Variants in AGAP1 observed in about 807,000 individuals in gnomAD.
AGAP1 encodes the protein ArfGAP with GTPase domain, ankyrin repeat and PH domain 1, also known as arf-GAP with GTPase, ANK repeat and PH domain-containing protein 1.
In AGAP1, 29 loss-of-function variants were observed where a neutral mutation model predicts 105.3. The ratio of observed to expected loss-of-function variants is 0.28; its 90% CI spans 0.21 to 0.38. The LOEUF (loss-of-function observed/expected upper bound fraction) is 0.38. Among genes scored for constraint, AGAP1 ranks in the 10% least tolerant of loss-of-function variants. The pLI is 1.00. For missense variants in AGAP1, 998 were observed against 1,165.1 expected (o/e 0.86, Z 2.09); for synonymous variants, 509 against 485.9 (o/e 1.05, Z -0.63).
At position 235,824,363 on chromosome 2, in the gene AGAP1, G is replaced by C. The variant is rs1456781980; in HGVS notation, c.1050+17032G>C. On this transcript the variant is annotated intron_variant, in intron 9 of 17. Coordinates refer to ENST00000304032, the MANE Select transcript of AGAP1 (RefSeq NM_001037131.3). The surrounding 1 kb of genome is among the most constrained non-coding windows in gnomAD (Gnocchi z 5.2). ...TTCTTTAAAATGTACTGTACTCACT[G>C]TGGGTCTTGCAAATTGGTAACTGGT... Among the ~76,000 whole-genome samples the C allele has an allele frequency of 6.6e-6, 1 of 152,234 alleles. No individual in the cohort carries two copies. Among genetic ancestry groups the C allele is most frequent in the Non-Finnish European group, 1.5e-5 (1 of 68,042 alleles).
chr2:235,681,078 G>C (rs976276863), intron 1 of AGAP1, among the ~76,000 whole-genome samples: 1 of 151,858 alleles, frequency 6.6e-6, no homozygotes, highest in African/African-American at 2.4e-5. Context: ...GCGCCATCTC[G>C]GCTCACTGCA....
chr2:235,615,619 C>T lies in AGAP1; in HGVS notation c.164-93560C>T, dbSNP rs1946283047. ...GTGGGGTCAGCTTTCCTCTGCTCCC[C>T]TGACTTCACAGGATAGCTATGCATT... On this transcript the variant is annotated intron_variant, in intron 1 of 17. Transcript: ENST00000304032. This position sits in a 1 kb window ranked among gnomAD's most constrained non-coding sequence, Gnocchi z 5.0. Among the ~76,000 whole-genome samples the T allele has an allele frequency of 6.6e-6, 1 of 152,198 alleles. No individual in the cohort carries two copies. The highest frequency in any genetic ancestry group is 6.5e-5 in the Admixed American group (1 of 15,280).
At position 236,083,609 on chromosome 2, in the gene AGAP1, C is replaced by G. The variant is rs560586493; in HGVS notation, c.2114+34328C>G. Reference sequence around the variant, plus strand: ...GCCTACATTAGAAAGAGAAGTACCCCAAATTTGGGAGGCTTTCTTATGATC... The same window carrying G: ...GCCTACATTAGAAAGAGAAGTACCCGAAATTTGGGAGGCTTTCTTATGATC... On this transcript the variant is annotated intron_variant, in intron 16 of 17. Transcript: ENST00000304032. This position sits in a 1 kb window ranked among gnomAD's most constrained non-coding sequence, Gnocchi z 5.3. Among the ~76,000 whole-genome samples, 10 of 152,154 alleles carry G rather than the reference C, an allele frequency of 6.6e-5. No homozygotes were observed. The highest frequency in any genetic ancestry group is 1.2e-4 in the Non-Finnish European group (8 of 68,034).
chr2:235,576,211 G>A (rs551739841), intron 1 of AGAP1, among the ~76,000 whole-genome samples: 1 of 152,214 alleles, frequency 6.6e-6, no homozygotes, highest in Non-Finnish European at 1.5e-5. Context: ...AGTGGCAAAG[G>A]TAGGATAGGG....
At chr2:235,803,241 G>A (rs116491684) in intron 8 of AGAP1, among the ~76,000 whole-genome samples, 1 of 152,038 alleles carries the variant, frequency 6.6e-6, no homozygotes, top group African/African-American at 2.4e-5. Context: ...GTAGTCTTAA[G>A]TTGAAGTTCC....
intron 1 of AGAP1, among the ~76,000 whole-genome samples, chr2:235,513,605 AG>A (rs1046718192): frequency 1.3e-5 from 2 of 148,682 alleles, no homozygotes; most frequent in Admixed American, 6.7e-5. Flanking sequence ...GTGGCGGGTG[AG>A]GCCTGGGAAC....
chr2:235,655,832 T>G lies in AGAP1; in HGVS notation c.164-53347T>G, dbSNP rs1039747983. 8.5e-5 allele frequency among the ~76,000 whole-genome samples: 13 copies of G among 152,206 alleles called. No individual in the cohort carries two copies. The highest frequency in any genetic ancestry group is 2.9e-4 in the African/African-American group (12 of 41,444). On this transcript the variant is annotated intron_variant, in intron 1 of 17. Transcript: ENST00000304032. The surrounding 1 kb of genome is among the most constrained non-coding windows in gnomAD (Gnocchi z 4.3). ...ATTCAGTAGAAATTTCCAAGGTATT[T>G]TTTTAAGTGAGGCACCATCCTGGAT... is the stretch of plus-strand genomic sequence containing the variant.
chr2:236,090,991 G>A lies in AGAP1; in HGVS notation c.2115-29201G>A, dbSNP rs890527742. Among the ~76,000 whole-genome samples the A allele has an allele frequency of 1.3e-5, 2 of 152,192 alleles. No individual in the cohort carries two copies. The highest frequency in any genetic ancestry group is 2.4e-5 in the African/African-American group (1 of 41,444). The stretch of plus-strand genomic sequence containing the variant: ...TGACCTCAGGTGATCTGCCCACCTC[G>A]GCCTCCCGAAGTGCTGGGTTGACAG... On this transcript the variant is annotated intron_variant, in intron 16 of 17. Coordinates refer to ENST00000304032, the MANE Select transcript of AGAP1 (RefSeq NM_001037131.3). The surrounding 1 kb of genome is among the most constrained non-coding windows in gnomAD (Gnocchi z 4.3).
In AGAP1 at chr2:236,089,654, C is replaced by T. The variant is rs183069288; in HGVS notation, c.2115-30538C>T. ...GGGAGGTTGTTTAACCAGAAAGGCCCTCTGCAAATTTCTGATTCCTGTACA... is the reference window on the plus strand; with the variant it reads ...GGGAGGTTGTTTAACCAGAAAGGCCTTCTGCAAATTTCTGATTCCTGTACA... On this transcript the variant is annotated intron_variant, in intron 16 of 17. Transcript: ENST00000304032. This position sits in a 1 kb window ranked among gnomAD's most constrained non-coding sequence, Gnocchi z 5.6. Among the ~76,000 whole-genome samples the T allele has an allele frequency of 3.7e-4, 57 of 152,276 alleles. No homozygotes were observed. The highest frequency in any genetic ancestry group is 5.3e-4 in the Non-Finnish European group (36 of 68,020).
At chr2:236,071,620 G>C (rs1212307158) in intron 16 of AGAP1, among the ~76,000 whole-genome samples, 5 of 152,382 alleles carry the variant, frequency 3.3e-5, no homozygotes, top group African/African-American at 2.4e-5. Context: ...GATGCAGGAA[G>C]ACCTGCCTGA....
intron 13 of AGAP1, among the ~76,000 whole-genome samples, chr2:236,015,808 CTG>C (rs1207064515): frequency 1.1e-4 from 17 of 152,132 alleles, no homozygotes; most frequent in African/African-American, 4.1e-4. Context: ...ATTATTATAA[CTG>C]TAATATTTTT....
intron 1 of AGAP1, among the ~76,000 whole-genome samples, chr2:235,502,127 G>A (rs1006810106): frequency 1.8e-4 from 27 of 152,186 alleles, no homozygotes; most frequent in African/African-American, 6.3e-4. Context: ...AAGATGCAGT[G>A]ATGACCCATC....
intron 16 of AGAP1, among the ~76,000 whole-genome samples, chr2:236,107,093 CTCTT>C (rs1435878153): frequency 6.6e-6 from 1 of 152,186 alleles, no homozygotes; most frequent in African/African-American, 2.4e-5. Flanking sequence ...TTTCTGTCCT[CTCTT>C]TACCCGTTCC....
Position 235,728,548 on chromosome 2 carries a change from G to C in AGAP1, c.310+10904G>C, listed in dbSNP as rs76582124. On this transcript the variant is annotated intron_variant, in intron 3 of 17. Transcript: ENST00000304032. This position sits in a 1 kb window ranked among gnomAD's most constrained non-coding sequence, Gnocchi z 4.3. Reference sequence around the variant, plus strand: ...AGGAGGATTCTGAGGCAGGGTCTGTGTGCAGGAGGAGTGCTAGTGTGAGAG... The same window carrying C: ...AGGAGGATTCTGAGGCAGGGTCTGTCTGCAGGAGGAGTGCTAGTGTGAGAG... Among the ~76,000 whole-genome samples the C allele has an allele frequency of 5.9e-5, 9 of 152,288 alleles. No individual in the cohort carries two copies. The East Asian group carries it at 1.7e-3, about 29-fold the overall frequency.
chr2:236,043,725 G>GAA (rs781763786), intron 15 of AGAP1, among the ~76,000 whole-genome samples: 3,226 of 140,276 alleles, frequency 0.023, 90 homozygotes, highest in African/African-American at 0.058. Context: ...CGTCTCAAGG[G>GAA]AAAAAAAAAA....
At chr2:235,502,864 G>A (rs1941624514) in intron 1 of AGAP1, among the ~76,000 whole-genome samples, 2 of 152,034 alleles carry the variant, frequency 1.3e-5, no homozygotes, top group South Asian at 4.2e-4. Flanking sequence ...TTCCAGCTTA[G>A]GACGAAGCTA....
At chr2:235,706,836 T>C (rs973532299) in intron 1 of AGAP1, among the ~76,000 whole-genome samples, 1 of 152,170 alleles carries the variant, frequency 6.6e-6, no homozygotes, top group South Asian at 2.1e-4. Context: ...CCTGGACCAT[T>C]AGGGTCACTT....
chr2:235,675,057 C>T (rs892138866), intron 1 of AGAP1, among the ~76,000 whole-genome samples: 2 of 151,932 alleles, frequency 1.3e-5, no homozygotes, highest in East Asian at 3.9e-4. Flanking sequence ...AACAAACAGC[C>T]TTCAGTGGAG....
intron 1 of AGAP1, among the ~76,000 whole-genome samples, chr2:235,543,842 G>T (rs142196640): frequency 2.6e-5 from 4 of 152,176 alleles, no homozygotes; most frequent in Non-Finnish European, 4.4e-5. Context: ...TGTACTTTGG[G>T]GTATCCAGGG....
Sources: allele counts gnomAD v4.1 joint callset (sites outside exome capture counted in the v4.1 genomes callset), GRCh38; gene constraint gnomAD v4.1.1; non-coding constraint Gnocchi (gnomAD v3.1); transcripts MANE v1.5; gene names NCBI Gene and HGNC (gene_info 2026-07-23, HGNC 2026-07-21).